The following PDXDC1 variants were observed in gnomAD, a reference collection of about 807,000 sequenced individuals.
PDXDC1 encodes the protein pyridoxal-dependent decarboxylase domain-containing protein 1.
Under a neutral mutation model 100.1 loss-of-function variants are expected in PDXDC1, and 42 were observed. That is an observed-to-expected ratio of 0.42 (90% CI 0.33 to 0.54). The LOEUF is 0.54. PDXDC1 is among the 20% of genes least tolerant of loss of function. The probability of loss-of-function intolerance (pLI) is 0.10; values close to 1 mark genes in which losing one functional copy is unlikely to be tolerated. For missense variants in PDXDC1, 636 were observed against 979.2 expected (o/e 0.65, Z 4.68); for synonymous variants, 260 against 371.7 (o/e 0.70, Z 3.46).
chr16:15,043,861 T>A (rs1427264860), intron 16 of PDXDC1, among the ~76,000 whole-genome samples: 1 of 152,004 alleles, frequency 6.6e-6, no homozygotes, highest in Non-Finnish European at 1.5e-5. Context: ...GGCAAGAGAA[T>A]TGCTTGAACC....
rs895678173 is a variant in PDXDC1 at position 15,111,155 on chromosome 16, C to T, written c.1400-27724C>T. 6.1e-3 allele frequency among the ~76,000 whole-genome samples: 759 copies of T among 125,102 alleles called. 14 individuals carry two copies. The highest frequency in any genetic ancestry group is 0.02 in the African/African-American group (703 of 35,946). 82.1% of individuals were successfully genotyped at this position (125,102 alleles called of 152,430 possible). A position where few individuals can be genotyped will look rare whatever the true frequency, so the allele number is the denominator to read the frequency against. On this transcript the variant is annotated intron_variant, in intron 16 of 16. Coordinates refer to the PDXDC1 transcript ENST00000535621. ...ACACACACACACACACACACACACA[C>T]AAAACACACAAGAATGACGAGGCTG...
chr16:15,043,631 T>C (rs1362415260), intron 16 of PDXDC1, among the ~76,000 whole-genome samples: 86 of 152,158 alleles, frequency 5.7e-4, no homozygotes, highest in Admixed American at 5.5e-3. Context: ...ACGACAATGT[T>C]TTCTTTCTTT....
At chr16:14,977,365 C>T (rs1376307395) in intron 1 of PDXDC1, among the ~76,000 whole-genome samples, 4 of 151,958 alleles carry the variant, frequency 2.6e-5, no homozygotes, top group African/African-American at 4.8e-5. Flanking sequence ...CTGCAACCTC[C>T]GCCTCCCGGA....
At chr16:15,111,452 G>C (rs1258484186) in intron 16 of PDXDC1, among the ~76,000 whole-genome samples, 2 of 63,554 alleles carry the variant, frequency 3.1e-5, no homozygotes, top group African/African-American at 4.7e-5. Flanking sequence ...TTCAAACTCT[G>C]TCTCAAAAAA....
chr16:15,034,561 G>A lies in PDXDC1; in HGVS notation c.2002+8G>A, dbSNP rs766207864. 1.8e-5 allele frequency: 28 copies of A among 1,599,548 alleles called. No individual in the cohort carries two copies. Among genetic ancestry groups the A allele is most frequent in the South Asian group, 2.2e-5 (2 of 90,806 alleles). ...CTTTTAACTTGACAGCAGGTAGGAC[G>A]GCATAGCCTCTTCCCAGGTCTTGCT... On this transcript the variant is annotated splice_region_variant and intron_variant, in intron 21 of 22. Transcript: ENST00000396410.
rs1232375202 is a variant in PDXDC1 at position 15,074,962 on chromosome 16, CAAAG to C, written c.1399+44908_1399+44911del. Reference sequence around the variant, plus strand: ...TGATTATTTCCCTTAAAAGATAAAACAAAGAGGCTGGGGAAAGCGGCTCACATCT... The same window carrying C: ...TGATTATTTCCCTTAAAAGATAAAACAGGCTGGGGAAAGCGGCTCACATCT... On this transcript the variant is annotated intron_variant, in intron 16 of 16. Coordinates refer to the PDXDC1 transcript ENST00000535621. 8 of 1,237,746 alleles carry C rather than the reference CAAAG, an allele frequency of 6.5e-6. No individual in the cohort carries two copies. The East Asian group carries it at 1.8e-4, about 28-fold the overall frequency. 76.7% of individuals were successfully genotyped at this position (1,237,746 alleles called of 1,614,324 possible).
intron 16 of PDXDC1, chr16:15,048,125 T>C (rs749824086): frequency 6.2e-6 from 9 of 1,460,060 alleles, no homozygotes; most frequent in African/African-American, 2.9e-5. Flanking sequence ...AAAAATAAAA[T>C]AGTGATGTAA....
At chr16:15,001,888 G>C in intron 4 of PDXDC1, 32 bp downstream of exon 4, 1 of 1,565,400 alleles carries the variant, frequency 6.4e-7, no homozygotes, top group Non-Finnish European at 8.7e-7. Context: ...CTTTTCAAGT[G>C]TATGTGTTCT....
At chr16:15,055,259 T>C (rs912685290) in intron 16 of PDXDC1, among the ~76,000 whole-genome samples, 1 of 152,152 alleles carries the variant, frequency 6.6e-6, no homozygotes, top group Non-Finnish European at 1.5e-5. Flanking sequence ...GAGATCTATT[T>C]GAGCACAAAA....
At chr16:15,141,776 T>G (rs1418642279), downstream of PDXDC1, among the ~76,000 whole-genome samples, 1 of 152,100 alleles carries the variant, frequency 6.6e-6, no homozygotes, top group Non-Finnish European at 1.5e-5. Flanking sequence ...GGGTGGCGGC[T>G]GGGAGACCAG....
the PDXDC1 span, among the ~76,000 whole-genome samples, chr16:15,149,805 G>A: frequency 2.0e-5 from 3 of 151,690 alleles, no homozygotes; most frequent in Non-Finnish European, 2.9e-5. Context: ...GGCCTTTAGA[G>A]CAGGGGGCCC....
At chr16:15,064,652 CAAAA>C (rs954341632) in intron 16 of PDXDC1, among the ~76,000 whole-genome samples, 5 of 152,280 alleles carry the variant, frequency 3.3e-5, no homozygotes, top group Admixed American at 3.3e-4. Flanking sequence ...AAACAAAAAA[CAAAA>C]AACCCTTGAT....
Position 15,132,674 on chromosome 16 carries a change from A to C in PDXDC1, c.1400-6205A>C. On this transcript the variant is annotated intron_variant, in intron 16 of 16. Coordinates refer to the PDXDC1 transcript ENST00000535621. ...TCTGCCCTGGGGGGCTGAACCCAGT[A>C]CCCTGGCAGGCATGCGGGGCGGGGT... is the stretch of plus-strand genomic sequence containing the variant. 8.2e-6 allele frequency: 6 copies of C among 727,410 alleles called. No homozygotes were observed. In the South Asian group the frequency reaches 9.1e-5, roughly 11 times the overall value. 45.1% of individuals were successfully genotyped at this position (727,410 alleles called of 1,614,324 possible).
chr16:15,048,078 C>T, intron 16 of PDXDC1: 1 of 1,609,748 alleles, frequency 6.2e-7, no homozygotes, highest in South Asian at 1.1e-5. Flanking sequence ...ACAGACTGAC[C>T]TCTGAGAAGT....
the PDXDC1 span, among the ~76,000 whole-genome samples, chr16:15,148,335 ATCT>A: frequency 7.2e-6 from 1 of 138,412 alleles, no homozygotes; most frequent in African/African-American, 2.8e-5. Context: ...CCATCTGTGC[ATCT>A]TCTTTGGAGA....
chr16:14,980,246 G>C (rs1967649745), intron 1 of PDXDC1, among the ~76,000 whole-genome samples: 1 of 152,286 alleles, frequency 6.6e-6, no homozygotes, highest in Admixed American at 6.5e-5. Flanking sequence ...GTAGAAGTTG[G>C]TTGAGCTTGA....
downstream of PDXDC1, among the ~76,000 whole-genome samples, chr16:15,143,750 AAC>A (rs1470021433): frequency 6.6e-6 from 1 of 152,184 alleles, no homozygotes; most frequent in Non-Finnish European, 1.5e-5. Flanking sequence ...CCCAATCCAC[AAC>A]AGAGGGAATG....
chr16:15,091,715 C>G (rs2046136798), intron 16 of PDXDC1, among the ~76,000 whole-genome samples: 1 of 152,190 alleles, frequency 6.6e-6, no homozygotes, highest in African/African-American at 2.4e-5. Flanking sequence ...AGTATTCACT[C>G]AAATATGGAT....
At chr16:15,124,814 G>C (rs3954024) in intron 16 of PDXDC1, among the ~76,000 whole-genome samples, 7 of 150,980 alleles carry the variant, frequency 4.6e-5, no homozygotes, top group South Asian at 2.1e-4. Context: ...GTTAACAAAA[G>C]TATGGAATTC....
Sources: allele counts gnomAD v4.1 joint callset (sites outside exome capture counted in the v4.1 genomes callset), GRCh38; gene constraint gnomAD v4.1.1; transcripts MANE v1.5; gene names NCBI Gene and HGNC (gene_info 2026-07-23, HGNC 2026-07-21).